Variants in FBLN7 observed in about 807,000 individuals in gnomAD.
FBLN7 encodes the protein fibulin-7.
Under a neutral mutation model 44.0 loss-of-function variants are expected in FBLN7, and 31 were observed. The ratio of observed to expected loss-of-function variants is 0.70; its 90% CI spans 0.53 to 0.95. The LOEUF (loss-of-function observed/expected upper bound fraction) is 0.95. Ranked by LOEUF, FBLN7 falls within the 40% of genes least tolerant of loss-of-function variation. The probability of loss-of-function intolerance (pLI) is 0.00; values close to 1 mark genes in which losing one functional copy is unlikely to be tolerated. For synonymous variants in FBLN7, 262 were observed against 253.4 expected, an observed-to-expected ratio of 1.03 and a Z score of -0.32; for missense variants, 573 against 618.5, an observed-to-expected ratio of 0.93 and a Z score of 0.78.
intron 1 of FBLN7, among the ~76,000 whole-genome samples, chr2:112,143,973 T>A (rs1252755509): frequency 6.6e-6 from 1 of 152,236 alleles, no homozygotes; most frequent in Non-Finnish European, 1.5e-5. Context: ...TGTTGGGCAG[T>A]GCTTGTGGCT....
chr2:112,217,367 A>AAAAAG, the FBLN7 span, among the ~76,000 whole-genome samples: 2 of 152,220 alleles, frequency 1.3e-5, no homozygotes, highest in Non-Finnish European at 2.9e-5. Flanking sequence ...CATCTCAAAA[A>AAAAAG]AAAAGAAAAG....
chr2:112,185,121 G>T, intron 6 of FBLN7, 80 bp from the exon 7 acceptor site: 1 of 1,546,752 alleles, frequency 6.5e-7, no homozygotes, highest in Non-Finnish European at 8.8e-7. Context: ...TACAGGACCT[G>T]CAGGGCCTCT....
chr2:112,159,067 T>G (rs141706738), intron 1 of FBLN7, among the ~76,000 whole-genome samples: 2 of 152,322 alleles, frequency 1.3e-5, no homozygotes, highest in East Asian at 3.9e-4. Flanking sequence ...TTGATGCTGC[T>G]TTAAGTTAGG....
intron 3 of FBLN7, among the ~76,000 whole-genome samples, chr2:112,171,761 T>C (rs1432573892): frequency 6.6e-6 from 1 of 152,212 alleles, no homozygotes; most frequent in African/African-American, 2.4e-5. Context: ...TCTTTATGAT[T>C]AGGAAGCACT....
the FBLN7 span, among the ~76,000 whole-genome samples, chr2:112,204,076 A>G: frequency 6.6e-6 from 1 of 152,296 alleles, no homozygotes; most frequent in African/African-American, 2.4e-5. Context: ...AACCATGTCT[A>G]AAGGAGGTTG....
chr2:112,142,411 G>A (rs1680691553), intron 1 of FBLN7, among the ~76,000 whole-genome samples: 1 of 152,140 alleles, frequency 6.6e-6, no homozygotes, highest in Admixed American at 6.5e-5. Flanking sequence ...CCACTATAGG[G>A]CTCCAGGGGC....
chr2:112,217,924 G>GTT, the FBLN7 span, among the ~76,000 whole-genome samples: 3 of 145,212 alleles, frequency 2.1e-5, no homozygotes, highest in Admixed American at 2.0e-4. Flanking sequence ...GGTTTCTTGT[G>GTT]TTTTTGTTTT....
intron 2 of FBLN7, among the ~76,000 whole-genome samples, chr2:112,160,906 G>C (rs1681835483): frequency 6.6e-6 from 1 of 152,072 alleles, no homozygotes; most frequent in African/African-American, 2.4e-5. Flanking sequence ...TCCAGTCCAT[G>C]ACCAAGGTTG....
chr2:112,229,908 C>T, the FBLN7 span, among the ~76,000 whole-genome samples: 1 of 150,744 alleles, frequency 6.6e-6, no homozygotes, highest in East Asian at 1.9e-4. Flanking sequence ...CAAAAAGATT[C>T]CCAAAATAAG....
chr2:112,183,489 A>G (rs1186263391), intron 6 of FBLN7, among the ~76,000 whole-genome samples: 1 of 152,208 alleles, frequency 6.6e-6, no homozygotes, highest in Non-Finnish European at 1.5e-5. Flanking sequence ...TGTGAGGTAC[A>G]GGAAGTGAGG....
At chr2:112,198,538 G>A in the FBLN7 span, among the ~76,000 whole-genome samples, 21 of 152,122 alleles carry the variant, frequency 1.4e-4, no homozygotes, top group African/African-American at 5.1e-4. Context: ...TTGGGAGGCT[G>A]AGGGAGGAGA....
At chr2:112,147,883 C>T (rs1485028073) in intron 1 of FBLN7, among the ~76,000 whole-genome samples, 3 of 152,066 alleles carry the variant, frequency 2.0e-5, no homozygotes, top group African/African-American at 4.8e-5. Flanking sequence ...GATCCCGGGT[C>T]GTAGGTGGGG....
chr2:112,161,315 A>G (rs147097555), intron 2 of FBLN7, among the ~76,000 whole-genome samples: 15 of 151,700 alleles, frequency 9.9e-5, no homozygotes, highest in South Asian at 2.1e-4. Context: ...TGGATTTCCT[A>G]CCTTCTCGGA....
the FBLN7 span, chr2:112,213,883 T>G: frequency 2.0e-5 from 3 of 151,046 alleles, no homozygotes; most frequent in Non-Finnish European, 2.9e-5. Flanking sequence ...TCACACAGAA[T>G]TTTAGAAATG....
the FBLN7 span, among the ~76,000 whole-genome samples, chr2:112,202,188 G>T: frequency 6.6e-6 from 1 of 152,082 alleles, no homozygotes; most frequent in Non-Finnish European, 1.5e-5. Flanking sequence ...TATGAACTAG[G>T]AGCTTCCTGC....
chr2:112,181,760 C>A lies in FBLN7; in HGVS notation c.554C>A (p.Ala185Asp). 7.1e-7 allele frequency: 1 copy of A among 1,406,362 alleles called. No homozygotes were observed. The highest frequency in any genetic ancestry group is 1.5e-5 in the South Asian group (1 of 65,480). 87.1% of individuals were successfully genotyped at this position (1,406,362 alleles called of 1,614,324 possible). ...AQTAAPEGSV[A>D]GDSAFSRAPR... Reference sequence around the variant, plus strand: ...GCAGCCGCCCCCGAGGGCAGCGTGGCCGGCGACTCCGCCTTCAGCCGCGCG... The same window carrying A: ...GCAGCCGCCCCCGAGGGCAGCGTGGACGGCGACTCCGCCTTCAGCCGCGCG... Residue 185 changes from alanine (A) to aspartate (D), a missense_variant, in exon 5 of 8, where the codon GCC (alanine) becomes GAC (aspartate). Ala to Asp is a moderately radical substitution (Grantham distance 126). Transcript: ENST00000331203.
intron 1 of FBLN7, chr2:112,152,277 C>T (rs546453250): frequency 1.3e-5 from 2 of 152,314 alleles, no homozygotes; most frequent in Non-Finnish European, 2.9e-5. Flanking sequence ...GGTGCCACGT[C>T]CTGCGCTGTC....
the FBLN7 span, among the ~76,000 whole-genome samples, chr2:112,194,198 A>T: frequency 6.6e-6 from 1 of 152,190 alleles, no homozygotes; most frequent in Non-Finnish European, 1.5e-5. Context: ...TGGGCTCTCC[A>T]TGTGGCTTAG....
chr2:112,210,353 T>G, the FBLN7 span, among the ~76,000 whole-genome samples: 1 of 151,922 alleles, frequency 6.6e-6, no homozygotes. Context: ...AGAAGGTTGT[T>G]AAAAATAAGG....
Sources: allele counts gnomAD v4.1 joint callset (sites outside exome capture counted in the v4.1 genomes callset), GRCh38; gene constraint gnomAD v4.1.1; transcripts MANE v1.5; gene names NCBI Gene and HGNC (gene_info 2026-07-23, HGNC 2026-07-21).